The following KIAA1217 variants were observed in gnomAD, a reference collection of about 807,000 sequenced individuals.
The protein encoded by KIAA1217 is sickle tail protein homolog.
A neutral mutation model predicts 163.9 loss-of-function variants in KIAA1217; 88 were observed. That is an observed-to-expected ratio of 0.54 (90% CI 0.45 to 0.64). KIAA1217 has a LOEUF of 0.64. KIAA1217 is among the 30% of genes least tolerant of loss of function. The pLI is 0.00. For missense variants in KIAA1217, 2,372 were observed against 2,475.0 expected, an observed-to-expected ratio of 0.96 and a Z score of 0.88; for synonymous variants, 903 against 923.1, an observed-to-expected ratio of 0.98 and a Z score of 0.39.
chr10:24,027,184 G>T (rs1847989460), intron 2 of KIAA1217, among the ~76,000 whole-genome samples: 1 of 151,920 alleles, frequency 6.6e-6, no homozygotes, highest in Non-Finnish European at 1.5e-5. Context: ...TTGCCTCTCT[G>T]AACTAGGAAC....
At chr10:24,201,924 A>G (rs1008426373) in intron 2 of KIAA1217, among the ~76,000 whole-genome samples, 20 of 98,422 alleles carry the variant, frequency 2.0e-4, no homozygotes, top group Non-Finnish European at 4.4e-4. Context: ...CCTCCTGATC[A>G]CCCCTGATCC....
chr10:24,060,670 C>A (rs950504090), intron 2 of KIAA1217, among the ~76,000 whole-genome samples: 2 of 152,096 alleles, frequency 1.3e-5, no homozygotes, highest in African/African-American at 2.4e-5. Flanking sequence ...GTGACACAAG[C>A]CTGTAGTCCT....
chr10:23,901,748 A>G (rs1178727831), intron 1 of KIAA1217, among the ~76,000 whole-genome samples: 1 of 151,896 alleles, frequency 6.6e-6, no homozygotes, highest in East Asian at 1.9e-4. Context: ...CTCTACTAAA[A>G]ATACAAAAGA....
At chr10:23,959,925 T>TTC (rs1420082399) in intron 1 of KIAA1217, among the ~76,000 whole-genome samples, 1 of 148,194 alleles carries the variant, frequency 6.7e-6, no homozygotes, top group African/African-American at 2.5e-5. Flanking sequence ...TTTTTTTTTT[T>TTC]TTTTTTTTGA....
At position 23,760,771 on chromosome 10, in the gene KIAA1217, T is replaced by A. The variant is rs934449471; in HGVS notation, c.-321+65537T>A. Among the ~76,000 whole-genome samples the A allele has an allele frequency of 2.6e-5, 4 of 152,082 alleles. No homozygotes were observed. The East Asian group carries it at 7.7e-4, about 29-fold the overall frequency. On this transcript the variant is annotated intron_variant, in intron 1 of 18. Coordinates refer to the KIAA1217 transcript ENST00000376462. Reference sequence around the variant, plus strand: ...GCCTGAGCAACATAGCAAGACCCTGTCTCTGCAAAAAATTTTAAAAGATAA... The same window carrying A: ...GCCTGAGCAACATAGCAAGACCCTGACTCTGCAAAAAATTTTAAAAGATAA...
At chr10:23,958,775 C>T (rs966465114) in intron 1 of KIAA1217, among the ~76,000 whole-genome samples, 1 of 151,974 alleles carries the variant, frequency 6.6e-6, no homozygotes, top group Non-Finnish European at 1.5e-5. Context: ...TCATACCATG[C>T]GAAAGCTGAT....
chr10:24,402,523 C>CAAAAAAAAAAAAAAA (rs1173653514), intron 3 of KIAA1217, among the ~76,000 whole-genome samples: 1 of 71,028 alleles, frequency 1.4e-5, no homozygotes, highest in African/African-American at 4.7e-5. Context: ...AAACAAAAAA[C>CAAAAAAAAAAAAAAA]AAAACAAAAA....
Position 23,697,230 on chromosome 10 carries a change from T to C in KIAA1217, c.-321+1996T>C, listed in dbSNP as rs576072425. On this transcript the variant is annotated intron_variant, in intron 1 of 18. Transcript: ENST00000376462. Reference sequence around the variant, plus strand: ...GATAATAAGATGATTGGAATGTGTCTAGGTAGTGAGGCAGATGGGTGAAAA... The same window carrying C: ...GATAATAAGATGATTGGAATGTGTCCAGGTAGTGAGGCAGATGGGTGAAAA... Among the ~76,000 whole-genome samples, 73 of 152,322 alleles carry C rather than the reference T, an allele frequency of 4.8e-4. No individual in the cohort carries two copies. In the Middle Eastern group the frequency reaches 0.01, roughly 21 times the overall value.
chr10:24,049,401 T>TAA (rs1221734674), intron 2 of KIAA1217, among the ~76,000 whole-genome samples: 1 of 151,806 alleles, frequency 6.6e-6, no homozygotes, highest in East Asian at 1.9e-4. Context: ...TTTAACTCTA[T>TAA]TTATTTATTT....
intron 2 of KIAA1217, among the ~76,000 whole-genome samples, chr10:24,137,809 A>G (rs1405505152): frequency 6.6e-6 from 1 of 152,200 alleles, no homozygotes; most frequent in Non-Finnish European, 1.5e-5. Context: ...AGCTGATGTC[A>G]TGACATCTTA....
intron 1 of KIAA1217, among the ~76,000 whole-genome samples, chr10:23,757,554 G>T (rs1442247594): frequency 6.6e-6 from 1 of 152,008 alleles, no homozygotes; most frequent in Admixed American, 6.5e-5. Context: ...GTCTCACTCT[G>T]TCGCCCAGGC....
chr10:24,357,811 C>T (rs375087983), intron 2 of KIAA1217, among the ~76,000 whole-genome samples: 2 of 152,026 alleles, frequency 1.3e-5, no homozygotes, highest in Admixed American at 6.6e-5. Flanking sequence ...ATAGGGGAGT[C>T]GGGGTGATAG....
At chr10:24,110,250 A>G (rs1171510093) in intron 2 of KIAA1217, among the ~76,000 whole-genome samples, 1 of 152,242 alleles carries the variant, frequency 6.6e-6, no homozygotes, top group Non-Finnish European at 1.5e-5. Flanking sequence ...GCAAAGTATC[A>G]GCACAGATCT....
chr10:24,201,917 C>G (rs2067278035), intron 2 of KIAA1217, among the ~76,000 whole-genome samples: 1 of 95,998 alleles, frequency 1.0e-5, no homozygotes, highest in African/African-American at 3.4e-5. Flanking sequence ...CCCCCAACCT[C>G]CTGATCACCC....
At chr10:23,805,131 A>T (rs1249603876) in intron 1 of KIAA1217, among the ~76,000 whole-genome samples, 1 of 152,200 alleles carries the variant, frequency 6.6e-6, no homozygotes, top group African/African-American at 2.4e-5. Context: ...CTAAAGACAG[A>T]AATACCATTC....
At chr10:23,867,297 G>A (rs1189546649) in intron 1 of KIAA1217, among the ~76,000 whole-genome samples, 6 of 151,908 alleles carry the variant, frequency 3.9e-5, no homozygotes, top group African/African-American at 1.5e-4. Context: ...TGTGAATAGT[G>A]CCGCAATAAA....
At chr10:24,084,982 C>T (rs1402886354) in intron 2 of KIAA1217, among the ~76,000 whole-genome samples, 4 of 146,350 alleles carry the variant, frequency 2.7e-5, no homozygotes, top group South Asian at 2.1e-4. Context: ...GGTGCCATCT[C>T]GGCTCACTGC....
chr10:23,922,631 A>G (rs1213106766), intron 1 of KIAA1217, among the ~76,000 whole-genome samples: 3 of 152,158 alleles, frequency 2.0e-5, no homozygotes, highest in Non-Finnish European at 4.4e-5. Flanking sequence ...AGAACAGGAG[A>G]ACTCCTGGGT....
chr10:24,545,309 C>T, intron 20 of KIAA1217: 3 of 1,404,058 alleles, frequency 2.1e-6, no homozygotes, highest in Non-Finnish European at 2.8e-6. Context: ...ACATCTTTTA[C>T]TTTGTGACTC....
Sources: gnomAD v4.1 joint callset for allele counts (sites outside exome capture counted in the v4.1 genomes callset) on GRCh38, gnomAD v4.1.1 for gene constraint, MANE v1.5 for transcripts, NCBI Gene and HGNC (gene_info 2026-07-23, HGNC 2026-07-21) for gene names.